The following SCN9A variants were observed in gnomAD, a reference collection of about 807,000 sequenced individuals.
SCN9A encodes sodium voltage-gated channel alpha subunit 9.
SCN9A carries 131 observed loss-of-function variants against 187.0 expected under a neutral mutation model. The ratio of observed to expected loss-of-function variants is 0.70; its 90% CI spans 0.61 to 0.81. The LOEUF is 0.81. SCN9A is among the 30% of genes least tolerant of loss of function. The probability of loss-of-function intolerance (pLI) is 0.00; values close to 1 mark genes in which losing one functional copy is unlikely to be tolerated. For synonymous variants in SCN9A, 809 were observed against 808.6 expected (o/e 1.00, Z -0.01); for missense variants, 2,252 against 2,396.6 (o/e 0.94, Z 1.26).
intron 24 of SCN9A, among the ~76,000 whole-genome samples, chr2:166,206,592 A>G (rs1476544845): frequency 6.6e-6 from 1 of 152,120 alleles, no homozygotes; most frequent in Non-Finnish European, 1.5e-5. Context: ...CAGCAAACCA[A>G]CATGGTACAT....
In SCN9A at chr2:166,305,914, AG is replaced by A; in HGVS notation, c.473del (p.Thr158IlefsTer12). The A allele has an allele frequency of 6.2e-7, 1 of 1,612,950 alleles. No homozygotes were observed. The highest frequency in any genetic ancestry group is 8.5e-7 in the Non-Finnish European group (1 of 1,179,334). On this transcript the variant is annotated frameshift_variant, in exon 5 of 27. Transcript: ENST00000642356. LOFTEE classifies it high-confidence loss of function. ...PPDWTKNVEY[T>X]FTGIYTFESL... is the part of the protein sequence containing the mutation. ...ATTCAAAAGTATATATTCCAGTAAA[AG>A]TGTACCTAAACACAAGATTCCATTG...
intron 1 of SCN9A, among the ~76,000 whole-genome samples, chr2:166,348,002 A>G (rs1699943109): frequency 6.6e-6 from 1 of 152,202 alleles, no homozygotes; most frequent in Admixed American, 6.5e-5. Context: ...GAAATTGGCA[A>G]CTTTTCACAG....
At chr2:166,297,070 A>G (rs908608950) in intron 7 of SCN9A, among the ~76,000 whole-genome samples, 6 of 151,378 alleles carry the variant, frequency 4.0e-5, no homozygotes, top group Non-Finnish European at 8.8e-5. Context: ...GGTGGCGGGC[A>G]CCTGTAGTCC....
chr2:166,345,979 T>C (rs13020056), intron 1 of SCN9A, among the ~76,000 whole-genome samples: 31,470 of 152,048 alleles, frequency 0.21, 4,090 homozygotes, highest in African/African-American at 0.37. Flanking sequence ...TGCACTAAAA[T>C]GGCTACTAAA....
At chr2:166,316,512 G>A (rs889137742) in intron 1 of SCN9A, among the ~76,000 whole-genome samples, 10 of 152,166 alleles carry the variant, frequency 6.6e-5, no homozygotes, top group Non-Finnish European at 1.2e-4. Flanking sequence ...GGCGAACACT[G>A]TGAAACCCTG....
intron 1 of SCN9A, among the ~76,000 whole-genome samples, chr2:166,363,843 T>C (rs1037234289): frequency 3.3e-5 from 5 of 152,082 alleles, no homozygotes; most frequent in African/African-American, 1.2e-4. Flanking sequence ...AAGAGCTGAA[T>C]TGGATTTTGT....
At chr2:166,265,640 T>C (rs1696700049) in intron 17 of SCN9A, among the ~76,000 whole-genome samples, 1 of 151,984 alleles carries the variant, frequency 6.6e-6, no homozygotes, top group African/African-American at 2.4e-5. Context: ...AGAACCCCCA[T>C]ATTACTTTCC....
chr2:166,223,175 T>C (rs1694698610), intron 24 of SCN9A, among the ~76,000 whole-genome samples: 1 of 152,100 alleles, frequency 6.6e-6, no homozygotes, highest in South Asian at 2.1e-4. Flanking sequence ...AAATTAAAAA[T>C]ATAACTACCA....
intron 1 of SCN9A, among the ~76,000 whole-genome samples, chr2:166,325,787 T>C (rs1699348695): frequency 6.6e-6 from 1 of 152,142 alleles, no homozygotes; most frequent in Admixed American, 6.5e-5. Context: ...CTCATTTTAC[T>C]GAGCTCTGAA....
chr2:166,312,893 C>T (rs1282848812), intron 1 of SCN9A, among the ~76,000 whole-genome samples: 2 of 150,876 alleles, frequency 1.3e-5, no homozygotes, highest in Admixed American at 6.6e-5. Flanking sequence ...AACAGACGTG[C>T]TGTCATCCAG....
intron 1 of SCN9A, among the ~76,000 whole-genome samples, chr2:166,332,889 T>G (rs1699539946): frequency 6.6e-6 from 1 of 151,826 alleles, no homozygotes; most frequent in Non-Finnish European, 1.5e-5. Context: ...TGATGCTAAC[T>G]TACTACAATA....
rs201389358 is a variant in SCN9A at position 166,272,533 on chromosome 2, C to G, written c.3217G>C (p.Asp1073His). The change falls in exon 17 of 27, where the codon GAC becomes CAC. Residue 1073 changes from aspartate (D) to histidine (H), a missense_variant. Physicochemically the swap from Asp to His is moderately conservative, Grantham distance 81 (BLOSUM62 -1). Coordinates refer to ENST00000642356, the MANE Select transcript of SCN9A (RefSeq NM_001365536.1). ...TGAATAAATGATTGACCATCACTGT[C>G]TTCCATCAAGTGTTTGTCCACGCTG... ...GSSVDKHLME[D>H]SDGQSFIHNP... is the part of the protein sequence containing the mutation. 2.5e-6 allele frequency: 4 copies of G among 1,613,462 alleles called. No individual in the cohort carries two copies. The highest frequency in any genetic ancestry group is 3.4e-6 in the Non-Finnish European group (4 of 1,179,690).
chr2:166,292,408 T>C (rs1195825773), intron 9 of SCN9A, among the ~76,000 whole-genome samples: 3 of 152,298 alleles, frequency 2.0e-5, no homozygotes, highest in African/African-American at 4.8e-5. Flanking sequence ...TGACCACTTC[T>C]TGCATATTTA....
intron 1 of SCN9A, among the ~76,000 whole-genome samples, chr2:166,322,988 G>C (rs1481795449): frequency 6.6e-6 from 1 of 152,066 alleles, no homozygotes; most frequent in African/African-American, 2.4e-5. Flanking sequence ...ATTGCTCAAA[G>C]GATTGGGTCA....
At chr2:166,236,452 AC>A (rs1695322663) in intron 20 of SCN9A, among the ~76,000 whole-genome samples, 1 of 152,122 alleles carries the variant, frequency 6.6e-6, no homozygotes, top group Admixed American at 6.5e-5. Context: ...ATGGAGTCTC[AC>A]CCTGTCGCCC....
chr2:166,340,541 C>T (rs4386335), intron 1 of SCN9A, among the ~76,000 whole-genome samples: 9,231 of 67,602 alleles, frequency 0.14, 781 homozygotes, highest in Non-Finnish European at 0.15. Flanking sequence ...CTTTTCTTTC[C>T]CTTTCTTTCT....
intron 17 of SCN9A, among the ~76,000 whole-genome samples, chr2:166,259,777 AAAG>A (rs1427631387): frequency 1.3e-5 from 2 of 151,884 alleles, no homozygotes; most frequent in African/African-American, 2.4e-5. Flanking sequence ...ATCAAAATAT[AAAG>A]AATAAGACAC....
intron 20 of SCN9A, among the ~76,000 whole-genome samples, chr2:166,236,270 T>C (rs1469034197): frequency 2.0e-5 from 3 of 152,176 alleles, no homozygotes; most frequent in Non-Finnish European, 4.4e-5. Flanking sequence ...ATCATTACTA[T>C]ATCCGAAGTT....
intron 1 of SCN9A, among the ~76,000 whole-genome samples, chr2:166,360,967 A>G (rs772542224): frequency 1.9e-4 from 29 of 152,198 alleles, no homozygotes; most frequent in Non-Finnish European, 1.5e-4. Context: ...GTAAGACAGC[A>G]TAACCCAGTT....
Sources: gnomAD v4.1 joint callset for allele counts (sites outside exome capture counted in the v4.1 genomes callset) on GRCh38, gnomAD v4.1.1 for gene constraint, MANE v1.5 for transcripts, NCBI Gene and HGNC (gene_info 2026-07-23, HGNC 2026-07-21) for gene names.